DTNA: variants seen among roughly 807,000 people sequenced by gnomAD.
DTNA encodes dystrophin-related protein 3.
DTNA carries 43 observed loss-of-function variants against 100.7 expected under a neutral mutation model. The ratio of observed to expected loss-of-function variants is 0.43; its 90% CI spans 0.33 to 0.55. The LOEUF (loss-of-function observed/expected upper bound fraction) is 0.55. DTNA is among the 20% of genes least tolerant of loss of function. The probability of loss-of-function intolerance (pLI) is 0.04; values close to 1 mark genes in which losing one functional copy is unlikely to be tolerated. For synonymous variants in DTNA, 349 were observed against 347.9 expected (o/e 1.00, Z -0.04); for missense variants, 798 against 953.9 (o/e 0.84, Z 2.15).
chr18:34,657,638 C>T (rs2144327604), intron 1 of DTNA, among the ~76,000 whole-genome samples: 1 of 152,150 alleles, frequency 6.6e-6, no homozygotes, highest in Non-Finnish European at 1.5e-5. Context: ...ATTTTTCATA[C>T]ATCACTCTCC....
intron 6 of DTNA, among the ~76,000 whole-genome samples, chr18:34,812,805 C>T (rs150252994): frequency 1.1e-4 from 17 of 152,276 alleles, no homozygotes; most frequent in African/African-American, 4.1e-4. Flanking sequence ...GCTTAATTGT[C>T]TCACTCAGCC....
intron 3 of DTNA, among the ~76,000 whole-genome samples, chr18:34,771,827 T>TTATATA (rs2093788756): frequency 4.6e-5 from 7 of 152,352 alleles, no homozygotes; most frequent in Non-Finnish European, 1.0e-4. Flanking sequence ...CCATAAACTC[T>TTATATA]TATAAGGATA....
rs1000068498 is a variant in DTNA, at chr18:34,646,414, A to G, written c.-1-109562A>G. On this transcript the variant is annotated intron_variant, in intron 1 of 19. Transcript: ENST00000283365. ...TTTACATTTTATTGTGAAAAAGGGC[A>G]TATTTTACATCCAGTGCTGATTATA... Among the ~76,000 whole-genome samples, 33 of 152,238 alleles carry G rather than the reference A, an allele frequency of 2.2e-4. 1 individual carries two copies. Among genetic ancestry groups the G allele is most frequent in the Admixed American group, 1.8e-3 (28 of 15,284 alleles).
intron 1 of DTNA, among the ~76,000 whole-genome samples, chr18:34,735,866 C>T (rs1674882711): frequency 6.6e-6 from 1 of 152,170 alleles, no homozygotes; most frequent in Admixed American, 6.6e-5. Context: ...GTGTACTCTT[C>T]ACATAAGGTG....
intron 4 of DTNA, among the ~76,000 whole-genome samples, chr18:34,804,581 C>T (rs2149227025): frequency 6.6e-6 from 1 of 152,300 alleles, no homozygotes; most frequent in Admixed American, 6.5e-5. Flanking sequence ...GCGACCCCAA[C>T]TCAGGATTCA....
At chr18:34,543,860 A>T (rs969489029) in intron 1 of DTNA, among the ~76,000 whole-genome samples, 4 of 152,120 alleles carry the variant, frequency 2.6e-5, no homozygotes, top group African/African-American at 9.7e-5. Flanking sequence ...GCCAGTAGAC[A>T]TCTGGGAACC....
At chr18:34,682,812 C>T (rs1300379358) in intron 1 of DTNA, among the ~76,000 whole-genome samples, 2 of 151,824 alleles carry the variant, frequency 1.3e-5, no homozygotes, top group Admixed American at 6.6e-5. Flanking sequence ...GCTTGTCATT[C>T]TCTTCAAGGT....
In DTNA at chr18:34,879,709, C is replaced by A. The variant is rs368868084; in HGVS notation, c.2152C>A (p.Arg718Ser). ...CAGTGGAGCTACCACAAGTACCATG[C>A]GTGGCGACATGTGAGTATCTTCCGC... The part of the protein sequence containing the change: ...IHSGATTSTM[R>S]GDMVTEDADP... Residue 718 changes from arginine to serine, a missense_variant, in exon 20 of 23, where the codon CGT (arginine) becomes AGT (serine). By Grantham distance (110) the Arg-to-Ser change is moderately radical (BLOSUM62 -1). Around this residue, in one of 6 missense-constraint regions of DTNA, gnomAD observed 242 missense variants for 238.2 expected, o/e 1.02. Coordinates refer to ENST00000444659, the MANE Select transcript of DTNA (RefSeq NM_001386795.1). 2 of 1,613,872 alleles carry A rather than the reference C, an allele frequency of 1.2e-6. No homozygotes were observed. Among genetic ancestry groups the A allele is most frequent in the Middle Eastern group, 1.6e-4 (1 of 6,082 alleles).
At chr18:34,588,835 A>T (rs1219369201) in intron 1 of DTNA, among the ~76,000 whole-genome samples, 1 of 152,158 alleles carries the variant, frequency 6.6e-6, no homozygotes. Flanking sequence ...TGGTGTTCTA[A>T]TATAGTTGAA....
Position 34,815,896 on chromosome 18 carries a change from T to C in DTNA, c.604-13T>C. 6.2e-7 allele frequency: 1 copy of C among 1,608,002 alleles called. No homozygotes were observed. Among genetic ancestry groups the C allele is most frequent in the Non-Finnish European group, 8.5e-7 (1 of 1,174,796 alleles). Reference sequence around the variant, plus strand: ...TTCTCTGTCCTAAATTTATGGGGGGTTTTTTTATGCAGAAAAAAGTCACGT... The same window carrying C: ...TTCTCTGTCCTAAATTTATGGGGGGCTTTTTTATGCAGAAAAAAGTCACGT... On this transcript the variant is annotated splice_polypyrimidine_tract_variant and intron_variant, in intron 6 of 22. Transcript: ENST00000444659.
chr18:34,823,389 T>G (rs550058602), intron 9 of DTNA, among the ~76,000 whole-genome samples: 3 of 152,214 alleles, frequency 2.0e-5, no homozygotes, highest in Non-Finnish European at 2.9e-5. Context: ...CATTTTATAA[T>G]AAGCCCACTA....
intron 1 of DTNA, among the ~76,000 whole-genome samples, chr18:34,650,805 A>C (rs931962797): frequency 7.2e-5 from 11 of 152,196 alleles, no homozygotes; most frequent in African/African-American, 2.4e-4. Flanking sequence ...ATGTGTTAAT[A>C]CAGAATATAG....
chr18:34,820,575 T>C (rs775682157), intron 8 of DTNA, among the ~76,000 whole-genome samples: 10 of 152,214 alleles, frequency 6.6e-5, no homozygotes, highest in Non-Finnish European at 1.2e-4. Context: ...GCACAATGCC[T>C]GCTTCCATTT....
chr18:34,827,684 C>G lies in DTNA; in HGVS notation c.1085+8C>G. Reference sequence around the variant, plus strand: ...TCCTTTTATTACCAGGAGGTAAGTTCCAACCCTATTATAAAATAAGCCCTT... The same window carrying G: ...TCCTTTTATTACCAGGAGGTAAGTTGCAACCCTATTATAAAATAAGCCCTT... On this transcript the variant is annotated splice_region_variant and intron_variant, in intron 10 of 22. Coordinates refer to ENST00000444659, the MANE Select transcript of DTNA (RefSeq NM_001386795.1). 1 of 1,612,166 alleles carries G rather than the reference C, an allele frequency of 6.2e-7. No homozygotes were observed. The highest frequency in any genetic ancestry group is 8.5e-7 in the Non-Finnish European group (1 of 1,178,270).
chr18:34,748,892 G>C (rs34871818), intron 1 of DTNA, among the ~76,000 whole-genome samples: 11,662 of 152,154 alleles, frequency 0.077, 517 homozygotes, highest in African/African-American at 0.099. Context: ...ATTTCTTTGG[G>C]CACAATGGTC....
chr18:34,609,245 CTTTTTT>C (rs71166019), intron 1 of DTNA, among the ~76,000 whole-genome samples: 2 of 131,314 alleles, frequency 1.5e-5, no homozygotes, highest in Non-Finnish European at 3.2e-5. Context: ...TGCTTTAATT[CTTTTTT>C]TTTTTTTTTT....
intron 1 of DTNA, among the ~76,000 whole-genome samples, chr18:34,721,866 C>G (rs1374973199): frequency 6.6e-6 from 1 of 152,122 alleles, no homozygotes; most frequent in Non-Finnish European, 1.5e-5. Context: ...CTATCGGAGA[C>G]ATAAAAAATA....
chr18:34,800,768 A>G (rs1368402787), intron 4 of DTNA, among the ~76,000 whole-genome samples: 1 of 152,200 alleles, frequency 6.6e-6, no homozygotes, highest in Non-Finnish European at 1.5e-5. Context: ...TTGTAACTTC[A>G]AACAGGAAAC....
At chr18:34,669,309 C>A (rs2076404168) in intron 1 of DTNA, among the ~76,000 whole-genome samples, 1 of 152,108 alleles carries the variant, frequency 6.6e-6, no homozygotes, top group African/African-American at 2.4e-5. Context: ...TTATTTTGAG[C>A]CTATGTGTGT....
Sources: allele counts gnomAD v4.1 joint callset (sites outside exome capture counted in the v4.1 genomes callset), GRCh38; gene constraint gnomAD v4.1.1; regional missense constraint gnomAD v4.1.1; transcripts MANE v1.5; gene names NCBI Gene and HGNC (gene_info 2026-07-23, HGNC 2026-07-21).